The following EPB41L2 variants were observed in gnomAD, a reference collection of about 807,000 sequenced individuals.
EPB41L2 encodes the protein band 4.1-like protein 2.
In EPB41L2, 43 loss-of-function variants were observed where a neutral mutation model predicts 113.0. The observed-to-expected ratio is 0.38, with a 90% CI of 0.30 to 0.49. EPB41L2 has a LOEUF of 0.49. Among genes scored for constraint, EPB41L2 ranks in the 20% least tolerant of loss-of-function variants. The pLI, the probability that EPB41L2 is intolerant of heterozygous loss-of-function variation, is 0.95. For missense variants in EPB41L2, 1,147 were observed against 1,223.4 expected (o/e 0.94, Z 0.93); for synonymous variants, 442 against 436.7 (o/e 1.01, Z -0.15).
chr6:131,044,348 A>T (rs1250703235), intron 1 of EPB41L2, among the ~76,000 whole-genome samples: 2 of 152,168 alleles, frequency 1.3e-5, no homozygotes, highest in East Asian at 3.8e-4. Context: ...TTGTTTAAAA[A>T]AAAATTGAAA....
chr6:130,939,537 G>A (rs892517823), intron 3 of EPB41L2, among the ~76,000 whole-genome samples: 2 of 152,126 alleles, frequency 1.3e-5, no homozygotes, highest in Non-Finnish European at 2.9e-5. Context: ...ACAGATGTAA[G>A]ACACCGCGCC....
At chr6:131,037,041 T>C (rs1312709937) in intron 1 of EPB41L2, among the ~76,000 whole-genome samples, 1 of 152,228 alleles carries the variant, frequency 6.6e-6, no homozygotes, top group Non-Finnish European at 1.5e-5. Context: ...TATAAGCCAA[T>C]TCACATTACG....
chr6:130,884,583 G>T (rs1244207727), intron 12 of EPB41L2, among the ~76,000 whole-genome samples: 4 of 152,160 alleles, frequency 2.6e-5, no homozygotes, highest in Non-Finnish European at 5.9e-5. Flanking sequence ...TTTCACCATG[G>T]TGTACGCACA....
chr6:131,001,982 T>C (rs1237073844), intron 1 of EPB41L2, among the ~76,000 whole-genome samples: 1 of 152,174 alleles, frequency 6.6e-6, no homozygotes, highest in Non-Finnish European at 1.5e-5. Context: ...TGATTCTCAA[T>C]CATCTATTTT....
At chr6:130,873,559 A>T (rs979660314) in intron 14 of EPB41L2, among the ~76,000 whole-genome samples, 1 of 146,802 alleles carries the variant, frequency 6.8e-6, no homozygotes, top group African/African-American at 2.5e-5. Context: ...TCTACCTCCC[A>T]GGTTTAAGTG....
intron 1 of EPB41L2, among the ~76,000 whole-genome samples, chr6:131,048,746 T>C (rs961593035): frequency 2.0e-5 from 3 of 152,226 alleles, no homozygotes; most frequent in Non-Finnish European, 4.4e-5. Context: ...CTTCTGAATA[T>C]ATTGAAAATT....
intron 1 of EPB41L2, among the ~76,000 whole-genome samples, chr6:131,031,859 C>G (rs1031274243): frequency 2.0e-5 from 3 of 152,140 alleles, no homozygotes; most frequent in African/African-American, 7.2e-5. Context: ...TTAATGTTAA[C>G]ATTGGCAGAA....
intron 1 of EPB41L2, among the ~76,000 whole-genome samples, chr6:131,027,172 TA>T (rs1791059574): frequency 1.3e-5 from 2 of 152,210 alleles, no homozygotes; most frequent in Admixed American, 6.5e-5. Context: ...ACTAAATATT[TA>T]AAAAGTTAAA....
intron 3 of EPB41L2, among the ~76,000 whole-genome samples, chr6:130,943,870 T>C (rs990058617): frequency 5.3e-5 from 8 of 152,104 alleles, no homozygotes; most frequent in Non-Finnish European, 1.2e-4. Context: ...CCTGGTCTGA[T>C]AGCAGCTCCA....
At chr6:130,954,799 G>A (rs531410937) in intron 3 of EPB41L2, among the ~76,000 whole-genome samples, 1 of 152,274 alleles carries the variant, frequency 6.6e-6, no homozygotes, top group Non-Finnish European at 1.5e-5. Flanking sequence ...TGTCAGCCTA[G>A]TGCTATCATT....
chr6:130,931,986 T>C (rs1807060792), intron 3 of EPB41L2, among the ~76,000 whole-genome samples: 1 of 152,154 alleles, frequency 6.6e-6, no homozygotes, highest in East Asian at 1.9e-4. Flanking sequence ...CTTATAATGG[T>C]GATGAGATAA....
At chr6:130,948,336 A>C (rs1235740421) in intron 3 of EPB41L2, among the ~76,000 whole-genome samples, 1 of 152,184 alleles carries the variant, frequency 6.6e-6, no homozygotes, top group Non-Finnish European at 1.5e-5. Context: ...GACTAGTTAC[A>C]CAGATAAGAA....
chr6:130,847,216 T>C (rs1777317187), intron 19 of EPB41L2, among the ~76,000 whole-genome samples: 1 of 152,184 alleles, frequency 6.6e-6, no homozygotes, highest in African/African-American at 2.4e-5. Context: ...ACTATCCAGA[T>C]TGCCCTTGGT....
rs528290738 is a variant in EPB41L2 at position 130,916,474 on chromosome 6, C to T, written c.811-7611G>A. ...TGAATCCTAATACTGTATTTATATT[C>T]ATAGAATACCAGTGTTAGAAAGAAC... On this transcript the variant is annotated intron_variant, in intron 4 of 19. Coordinates refer to ENST00000337057, the MANE Select transcript of EPB41L2 (RefSeq NM_001431.4). 4.0e-4 allele frequency among the ~76,000 whole-genome samples: 61 copies of T among 152,196 alleles called. No individual in the cohort carries two copies. The East Asian group carries it at 7.7e-3, about 19-fold the overall frequency.
At chr6:130,977,941 T>G (rs762560587) in intron 1 of EPB41L2, among the ~76,000 whole-genome samples, 1 of 152,216 alleles carries the variant, frequency 6.6e-6, no homozygotes, top group African/African-American at 2.4e-5. Context: ...CCCCTAAAAG[T>G]GGTGGAAGGT....
intron 18 of EPB41L2, among the ~76,000 whole-genome samples, chr6:130,859,693 G>C (rs1467860700): frequency 6.6e-6 from 1 of 150,974 alleles, no homozygotes; most frequent in Non-Finnish European, 1.5e-5. Flanking sequence ...TCTGTCAGCT[G>C]TAAGGATACT....
At chr6:131,030,527 G>T (rs1172194299) in intron 1 of EPB41L2, among the ~76,000 whole-genome samples, 15 of 152,144 alleles carry the variant, frequency 9.9e-5, no homozygotes, top group Admixed American at 9.8e-4. Context: ...GTATATTTTA[G>T]ATCCTCAAAT....
At chr6:130,899,418 C>T in intron 8 of EPB41L2, 73 bp downstream of exon 8, 1 of 1,227,170 alleles carries the variant, frequency 8.1e-7, no homozygotes, top group South Asian at 1.2e-5. Flanking sequence ...CTGTGCTATC[C>T]TGAAACTGGA....
At chr6:130,977,646 T>C (rs1449953320) in intron 1 of EPB41L2, among the ~76,000 whole-genome samples, 1 of 152,048 alleles carries the variant, frequency 6.6e-6, no homozygotes, top group Admixed American at 6.6e-5. Context: ...CCCCCAAAAT[T>C]CTAAGTCTCC....
Sources: allele counts gnomAD v4.1 joint callset (sites outside exome capture counted in the v4.1 genomes callset), GRCh38; gene constraint gnomAD v4.1.1; transcripts MANE v1.5; gene names NCBI Gene and HGNC (gene_info 2026-07-23, HGNC 2026-07-21).